Variants in ADGRG5 observed in about 807,000 individuals in gnomAD.
The protein encoded by ADGRG5 is adhesion G protein-coupled receptor G5.
In ADGRG5, 37 loss-of-function variants were observed where a neutral mutation model predicts 53.2. The observed-to-expected ratio is 0.70, with a 90% CI of 0.53 to 0.91. The LOEUF (loss-of-function observed/expected upper bound fraction) is 0.91, where lower values mean the gene tolerates loss of function less well. ADGRG5 is among the 40% of genes least tolerant of loss of function. ADGRG5 has a pLI of 0.00. For synonymous variants in ADGRG5, 277 were observed against 290.4 expected (o/e 0.95, Z 0.47); for missense variants, 614 against 675.8 (o/e 0.91, Z 1.01).
rs531109381 is a variant in ADGRG5 at position 57,575,853 on chromosome 16, G to C, written c.*315G>C. The C allele has an allele frequency of 2.9e-6, 1 of 342,336 alleles. No homozygotes were observed. Among genetic ancestry groups the C allele is most frequent in the South Asian group, 3.6e-5 (1 of 27,664 alleles). 21.2% of individuals were successfully genotyped at this position (342,336 alleles called of 1,614,324 possible). On this transcript the variant is annotated 3_prime_UTR_variant, in exon 12 of 12. Transcript: ENST00000349457. ...ATCAGGAAGCCAAGTTTCAAGGACT[G>C]TCTTTGAGTCTGTCTGTATGACCTT...
rs1275011507 is a variant in ADGRG5, at chr16:57,575,458, T to C, written c.1507T>C (p.Phe503Leu). ...SLYGFFLFLWFCSQRCRSEAE... is the reference protein window; with the variant it reads ...SLYGFFLFLWLCSQRCRSEAE... Reference sequence around the variant, plus strand: ...TGCAGGTTTCTTCCTTTTCCTGTGGTTCTGCTCCCAGCGGTGCCGCTCAGA... The same window carrying C: ...TGCAGGTTTCTTCCTTTTCCTGTGGCTCTGCTCCCAGCGGTGCCGCTCAGA... The change falls in exon 12 of 12, where the codon TTC (phenylalanine) becomes CTC (leucine). Residue 503 changes from phenylalanine to leucine, a missense_variant. Coordinates refer to ENST00000349457, the MANE Select transcript of ADGRG5 (RefSeq NM_001304376.3). The C allele has an allele frequency of 1.2e-6, 2 of 1,614,120 alleles. No individual in the cohort carries two copies. The highest frequency in any genetic ancestry group is 1.7e-6 in the Non-Finnish European group (2 of 1,179,962).
At chr16:57,567,765 G>A in intron 8 of ADGRG5, 91 bp from the exon 9 acceptor site, 1 of 1,484,850 alleles carries the variant, frequency 6.7e-7, no homozygotes, top group South Asian at 1.3e-5. Flanking sequence ...CTTCGCCTCA[G>A]TTTCCCTGTC....
intron 8 of ADGRG5, 21 bp downstream of exon 8, chr16:57,567,612 TG>T: frequency 6.2e-7 from 1 of 1,603,048 alleles, no homozygotes. Flanking sequence ...GCCACAGTGC[TG>T]GGCCTGCCCT....
the ADGRG5 span, among the ~76,000 whole-genome samples, chr16:57,534,167 C>T: frequency 6.6e-6 from 1 of 152,226 alleles, no homozygotes; most frequent in Non-Finnish European, 1.5e-5. Context: ...ACCCCACCCC[C>T]ACCTGGGGAC....
chr16:57,545,006 G>A (rs930884676), intron 1 of ADGRG5, among the ~76,000 whole-genome samples: 2 of 152,004 alleles, frequency 1.3e-5, no homozygotes, highest in Non-Finnish European at 2.9e-5. Flanking sequence ...TCAAACTCCT[G>A]GGCTCAAGTG....
chr16:57,573,666 T>C (rs560595558), intron 10 of ADGRG5, among the ~76,000 whole-genome samples: 2 of 152,342 alleles, frequency 1.3e-5, no homozygotes, highest in South Asian at 4.1e-4. Context: ...ATTTGGCATA[T>C]GCCCTATGTA....
intron 9 of ADGRG5, among the ~76,000 whole-genome samples, chr16:57,569,531 T>C (rs2033276424): frequency 7.2e-6 from 1 of 139,288 alleles, no homozygotes; most frequent in African/African-American, 2.7e-5. Context: ...ACTTCCTCCA[T>C]CTCCTCCACC....
Position 57,574,756 on chromosome 16 carries a change from C to A in ADGRG5, c.1209-59C>A. 2.7e-6 allele frequency: 4 copies of A among 1,502,776 alleles called. No individual in the cohort carries two copies. The highest frequency in any genetic ancestry group is 3.6e-6 in the Non-Finnish European group (4 of 1,124,190). 93.1% of individuals were successfully genotyped at this position (1,502,776 alleles called of 1,614,324 possible). ...CCGAGTGGGGCTTCAGGGAGTGATG[C>A]TGGCCTCCCCGCGGGCCTGGGAGCC... On this transcript the variant is annotated intron_variant, in intron 10 of 11. Transcript: ENST00000349457. The surrounding 1 kb of genome is among the most constrained non-coding windows in gnomAD (Gnocchi z 4.4).
At chr16:57,535,992 G>A in the ADGRG5 span, among the ~76,000 whole-genome samples, 1 of 152,132 alleles carries the variant, frequency 6.6e-6, no homozygotes. Context: ...CCTGCGAACC[G>A]CCCCGCTCCA....
intron 1 of ADGRG5, among the ~76,000 whole-genome samples, chr16:57,553,038 C>T (rs1007732458): frequency 2.8e-4 from 43 of 152,176 alleles, no homozygotes; most frequent in African/African-American, 9.9e-4. Flanking sequence ...CTTATATGGG[C>T]GCAGTTTGTG....
chr16:57,562,387 C>G lies in ADGRG5; in HGVS notation c.68C>G (p.Thr23Arg). Residue 23 changes from threonine to arginine, a missense_variant, in exon 3 of 12, where the codon ACA (threonine) becomes AGA (arginine). By Grantham distance (71) the Thr-to-Arg change is moderately conservative. Transcript: ENST00000349457. ...AGGGGGAGGTGTGTCCCCACAGAGA[C>G]ATGGGAAGAACTCCTGAGCTACATG... ...LLTLQNATTE[T>R]WEELLSYMEN... 1 of 1,606,734 alleles carries G rather than the reference C, an allele frequency of 6.2e-7. No homozygotes were observed. The highest frequency in any genetic ancestry group is 8.5e-7 in the Non-Finnish European group (1 of 1,176,870).
chr16:57,570,356 C>T (rs180875814), intron 9 of ADGRG5, 62 bp from the exon 10 acceptor site: 121 of 1,063,556 alleles, frequency 1.1e-4, no homozygotes, highest in African/African-American at 9.8e-4. Context: ...CCCCAGGGAC[C>T]GCCCCAGGGA....
At chr16:57,529,340 A>C in the ADGRG5 span, 3 of 988,014 alleles carry the variant, frequency 3.0e-6, no homozygotes, top group Non-Finnish European at 3.8e-6. This position sits in a 1 kb window ranked among gnomAD's most constrained non-coding sequence, Gnocchi z 4.1. Context: ...GGAGAACACA[A>C]CCGTTATTGG....
chr16:57,530,294 CCTT>C, the ADGRG5 span, among the ~76,000 whole-genome samples: 2 of 152,200 alleles, frequency 1.3e-5, no homozygotes, highest in African/African-American at 2.4e-5. Flanking sequence ...CCCCCCTCCT[CCTT>C]AAAATAAATG....
intron 1 of ADGRG5, among the ~76,000 whole-genome samples, chr16:57,546,757 C>G (rs1378316339): frequency 6.6e-6 from 1 of 152,158 alleles, no homozygotes; most frequent in Non-Finnish European, 1.5e-5. Context: ...TTTGATCTGT[C>G]ACCCAGGCTG....
At chr16:57,555,659 T>G (rs1172366782) in intron 1 of ADGRG5, among the ~76,000 whole-genome samples, 1 of 152,246 alleles carries the variant, frequency 6.6e-6, no homozygotes, top group South Asian at 2.1e-4. Flanking sequence ...CATTAAAGAT[T>G]GTTACATTTT....
rs773505258 is a variant in ADGRG5, at chr16:57,567,597, C to G, written c.821+6C>G. On this transcript the variant is annotated splice_donor_region_variant and intron_variant, in intron 8 of 11. Transcript: ENST00000349457. ...CTGCTGCACTTCCATTTCAGGTATT[C>G]CGCTGCCACAGTGCTGGGCCTGCCC... is the stretch of plus-strand genomic sequence containing the variant. The G allele has an allele frequency of 5.6e-6, 9 of 1,609,276 alleles. No homozygotes were observed. The South Asian group carries it at 9.9e-5, about 18-fold the overall frequency.
chr16:57,562,458 C>G lies in ADGRG5; in HGVS notation c.139C>G (p.Arg47Gly). 6.3e-7 allele frequency: 1 copy of G among 1,594,856 alleles called. No homozygotes were observed. ...SRGRSSVFSS[R>G]QLHQLEQMLL... ...GGGCCGGAGCTCAGTTTTTTCCTCT[C>G]GGTGAGTTGGATGTGCCTCCCACCC... The change falls in exon 3 of 12, where the codon CGT becomes GGT. Residue 47 changes from arginine to glycine, a missense_variant and splice_region_variant. Arg to Gly is a moderately radical substitution (Grantham distance 125). Transcript: ENST00000349457.
chr16:57,571,656 CTTTTT>C (rs61698586), intron 10 of ADGRG5, among the ~76,000 whole-genome samples: 82 of 134,016 alleles, frequency 6.1e-4, no homozygotes, highest in African/African-American at 2.1e-3. Flanking sequence ...TCTTTTTTTT[CTTTTT>C]TTTTTTTTTT....
Sources: gnomAD v4.1 joint callset for allele counts (sites outside exome capture counted in the v4.1 genomes callset) on GRCh38, gnomAD v4.1.1 for gene constraint, Gnocchi (gnomAD v3.1) non-coding constraint, MANE v1.5 for transcripts, NCBI Gene and HGNC (gene_info 2026-07-23, HGNC 2026-07-21) for gene names.